Variants in OPCML observed in about 807,000 individuals in gnomAD.
OPCML encodes the protein opioid binding protein/cell adhesion molecule like, also known as opioid-binding protein/cell adhesion molecule.
OPCML carries 13 observed loss-of-function variants against 37.8 expected under a neutral mutation model. That is an observed-to-expected ratio of 0.34 (90% CI 0.22 to 0.55). OPCML has a LOEUF of 0.55. OPCML is among the 20% of genes least tolerant of loss of function. OPCML has a pLI of 0.91. For synonymous variants in OPCML, 176 were observed against 168.8 expected (o/e 1.04, Z -0.33); for missense variants, 341 against 435.6 (o/e 0.78, Z 1.93).
chr11:132,866,733 T>G (rs7119431), intron 2 of OPCML, among the ~76,000 whole-genome samples: 16,751 of 152,246 alleles, frequency 0.11, 1,147 homozygotes, highest in South Asian at 0.23. Flanking sequence ...AAGATATCAT[T>G]TCCATATTGT....
intron 2 of OPCML, among the ~76,000 whole-genome samples, chr11:132,902,686 C>G (rs1944103595): frequency 6.6e-6 from 1 of 152,184 alleles, no homozygotes; most frequent in Non-Finnish European, 1.5e-5. Context: ...CTGACCTCTT[C>G]TGCCCTCACC....
At chr11:132,763,164 A>G (rs951053808) in intron 2 of OPCML, among the ~76,000 whole-genome samples, 7 of 152,038 alleles carry the variant, frequency 4.6e-5, no homozygotes, top group East Asian at 1.9e-4. Context: ...ACCAGTCCCA[A>G]TGAGATGAAC....
At chr11:133,054,893 G>A (rs537132274) in intron 1 of OPCML, among the ~76,000 whole-genome samples, 1 of 151,760 alleles carries the variant, frequency 6.6e-6, no homozygotes, top group South Asian at 2.1e-4. Context: ...TCCAAGTGGT[G>A]AGACTCCATG....
At chr11:132,505,890 A>C (rs1464871495) in intron 4 of OPCML, among the ~76,000 whole-genome samples, 7 of 96,326 alleles carry the variant, frequency 7.3e-5, no homozygotes, top group African/African-American at 2.8e-4. Context: ...ACTTTCTGCG[A>C]AAAAAAAAAA....
chr11:133,257,884 C>G (rs146066858), intron 1 of OPCML, among the ~76,000 whole-genome samples: 2 of 150,196 alleles, frequency 1.3e-5, no homozygotes, highest in Non-Finnish European at 2.9e-5. Context: ...AGGAGATCAA[C>G]GTAGCTGAAC....
intron 2 of OPCML, among the ~76,000 whole-genome samples, chr11:132,791,309 C>T (rs1055150923): frequency 6.6e-6 from 1 of 152,188 alleles, no homozygotes; most frequent in Non-Finnish European, 1.5e-5. Context: ...TCAAAATAGA[C>T]ACTGCTTTAT....
intron 1 of OPCML, among the ~76,000 whole-genome samples, chr11:133,069,152 G>C (rs1466979776): frequency 6.6e-6 from 1 of 152,160 alleles, no homozygotes; most frequent in African/African-American, 2.4e-5. Context: ...GATTAACCTT[G>C]AGTAAGTTAT....
chr11:132,724,641 A>C (rs983043037), intron 2 of OPCML, among the ~76,000 whole-genome samples: 13 of 152,268 alleles, frequency 8.5e-5, no homozygotes, highest in Non-Finnish European at 1.6e-4. Flanking sequence ...CCATTTTAGT[A>C]TTAACTCCAT....
chr11:132,514,316 G>A (rs566746893), intron 4 of OPCML, among the ~76,000 whole-genome samples: 3 of 152,274 alleles, frequency 2.0e-5, no homozygotes, highest in Non-Finnish European at 4.4e-5. Context: ...AAGCATGGGA[G>A]GCTTGAAAGT....
intron 2 of OPCML, among the ~76,000 whole-genome samples, chr11:132,662,682 A>C (rs1241753019): frequency 1.3e-5 from 2 of 152,260 alleles, no homozygotes; most frequent in East Asian, 3.9e-4. Context: ...AATTCCCAAG[A>C]AATGCCCTTC....
Position 133,204,450 on chromosome 11 carries a change from T to C in OPCML, c.62-261440A>G, listed in dbSNP as rs190805343. On this transcript the variant is annotated intron_variant, in intron 1 of 7. Transcript: ENST00000524381. ...GTCTTCATAAAGAAGGATGTTATGATATCTGGGCACCAGTGAGAATATAAG... is the reference window on the plus strand; with the variant it reads ...GTCTTCATAAAGAAGGATGTTATGACATCTGGGCACCAGTGAGAATATAAG... 1.7e-3 allele frequency among the ~76,000 whole-genome samples: 252 copies of C among 152,262 alleles called. 1 individual carries two copies. The highest frequency in any genetic ancestry group is 2.5e-3 in the Non-Finnish European group (173 of 68,006).
chr11:132,599,549 A>G (rs542928746), intron 3 of OPCML, among the ~76,000 whole-genome samples: 1 of 152,268 alleles, frequency 6.6e-6, no homozygotes, highest in East Asian at 1.9e-4. Context: ...ACAACTCCAA[A>G]TGGCAGGCTC....
At chr11:132,742,961 G>T (rs940127603) in intron 2 of OPCML, among the ~76,000 whole-genome samples, 1 of 151,914 alleles carries the variant, frequency 6.6e-6, no homozygotes, top group African/African-American at 2.4e-5. Flanking sequence ...ATTACAATAC[G>T]TCCTACTAAA....
At chr11:132,589,877 G>C (rs2096481475) in intron 3 of OPCML, among the ~76,000 whole-genome samples, 1 of 152,202 alleles carries the variant, frequency 6.6e-6, no homozygotes, top group Admixed American at 6.5e-5. Context: ...GGGCCAGAGA[G>C]AGTAACTAGT....
chr11:133,436,452 A>T (rs1220638680), intron 1 of OPCML, among the ~76,000 whole-genome samples: 1 of 152,154 alleles, frequency 6.6e-6, no homozygotes, highest in Non-Finnish European at 1.5e-5. Context: ...CAAAATCCAC[A>T]TATTGCATGA....
At position 133,304,138 on chromosome 11, in the gene OPCML, G is replaced by A. The variant is rs1394914514; in HGVS notation, c.61+228126C>T. Among the ~76,000 whole-genome samples, 5 of 152,180 alleles carry A rather than the reference G, an allele frequency of 3.3e-5. No individual in the cohort carries two copies. In the East Asian group the frequency reaches 9.6e-4, roughly 29 times the overall value. On this transcript the variant is annotated intron_variant, in intron 1 of 7. Transcript: ENST00000524381. The stretch of plus-strand genomic sequence containing the variant: ...AGGGAATACAGTGCTCTACATGACT[G>A]AATCCACAAGGGAGGTAAGCGTCTA...
At chr11:132,690,859 G>A (rs1204577865) in intron 2 of OPCML, among the ~76,000 whole-genome samples, 1 of 152,190 alleles carries the variant, frequency 6.6e-6, no homozygotes, top group Non-Finnish European at 1.5e-5. Flanking sequence ...TAGGTGGAAA[G>A]CAGCTTTCAG....
At chr11:133,129,678 G>A (rs998406440) in intron 1 of OPCML, among the ~76,000 whole-genome samples, 1 of 152,096 alleles carries the variant, frequency 6.6e-6, no homozygotes, top group African/African-American at 2.4e-5. Flanking sequence ...TGAGGTGGGA[G>A]GACTGCTTGA....
Position 132,515,969 on chromosome 11 carries a change from A to C in OPCML, c.505+13092T>G, listed in dbSNP as rs532822962. On this transcript the variant is annotated intron_variant, in intron 4 of 7. Coordinates refer to ENST00000524381, the MANE Select transcript of OPCML (RefSeq NM_001012393.5). ...TAAGATCACTCACCAATTTGTAAAA[A>C]TCAAATTGTATCTGTTGAGGTAAGT... Among the ~76,000 whole-genome samples the C allele has an allele frequency of 7.2e-5, 11 of 152,294 alleles. No homozygotes were observed. The South Asian group carries it at 1.0e-3, about 14-fold the overall frequency.
Sources: gnomAD v4.1 joint callset for allele counts (sites outside exome capture counted in the v4.1 genomes callset) on GRCh38, gnomAD v4.1.1 for gene constraint, MANE v1.5 for transcripts, NCBI Gene and HGNC (gene_info 2026-07-23, HGNC 2026-07-21) for gene names.